PTBP1: variants seen among roughly 807,000 people sequenced by gnomAD.
The protein encoded by PTBP1 is polypyrimidine tract binding protein 1.
A neutral mutation model predicts 59.8 loss-of-function variants in PTBP1; 8 were observed. The ratio of observed to expected loss-of-function variants is 0.13; its 90% confidence interval spans 0.08 to 0.24. PTBP1 has a LOEUF of 0.24. Among genes scored for constraint, PTBP1 ranks in the 10% least tolerant of loss-of-function variants. The pLI is 1.00. For missense variants in PTBP1, 686 were observed against 767.0 expected (o/e 0.89, Z 1.25); for synonymous variants, 490 against 320.7 (o/e 1.53, Z -5.64).
chr19:799,787 T>C (rs924716944), intron 2 of PTBP1, among the ~76,000 whole-genome samples: 1 of 152,226 alleles, frequency 6.6e-6, no homozygotes. Flanking sequence ...AACCTCATGT[T>C]GTGGCTGCCT....
Position 812,236 on chromosome 19 carries a change from C to T in PTBP1, c.*1410C>T, listed in dbSNP as rs1023139404. On this transcript the variant is annotated 3_prime_UTR_variant, in exon 15 of 15. Transcript: ENST00000356948. ...TTGAGAAACTCCTCCCTTGTCTAGC[C>T]CTGTGTTCGCTGTGGACGCTGTAGA... The T allele has an allele frequency of 6.6e-6, 1 of 152,628 alleles. No homozygotes were observed. 9.5% of individuals were successfully genotyped at this position (152,628 alleles called of 1,614,324 possible). A position where few individuals can be genotyped will look rare whatever the true frequency, so the allele number is the denominator to read the frequency against.
At chr19:800,173 A>G (rs1375977487) in intron 2 of PTBP1, among the ~76,000 whole-genome samples, 1 of 148,296 alleles carries the variant, frequency 6.7e-6, no homozygotes, top group East Asian at 2.0e-4. Flanking sequence ...AACACAGGTG[A>G]TGCACCCCCC....
intron 1 of PTBP1, 111 bp from the exon 2 acceptor site, chr19:799,302 G>A (rs1404196350): frequency 1.0e-6 from 1 of 955,286 alleles, no homozygotes; most frequent in Non-Finnish European, 1.7e-6. Context: ...GGAGCCCTGC[G>A]GAGGTGGCAG....
In PTBP1 at chr19:808,061, C is replaced by T. The variant is rs573840248; in HGVS notation, c.1153+159C>T. ...TCGGTTTGCGAATTTTATTTGGTCC[C>T]GTAGATACGTACGCATGGTTTATCG... On this transcript the variant is annotated intron_variant, in intron 11 of 14. Transcript: ENST00000356948. This position sits in a 1 kb window ranked among gnomAD's most constrained non-coding sequence, Gnocchi z 4.7. 2.1e-5 allele frequency: 15 copies of T among 717,502 alleles called. No homozygotes were observed. The highest frequency in any genetic ancestry group is 2.4e-4 in the Middle Eastern group (1 of 4,208). 44.4% of individuals were successfully genotyped at this position (717,502 alleles called of 1,614,324 possible). A position where few individuals can be genotyped will look rare whatever the true frequency, so the allele number is the denominator to read the frequency against.
chr19:808,139 A>G lies in PTBP1; in HGVS notation c.1154-221A>G. 3.2e-6 allele frequency: 2 copies of G among 628,714 alleles called. No individual in the cohort carries two copies. Among genetic ancestry groups the G allele is most frequent in the Admixed American group, 2.8e-5 (1 of 35,196 alleles). 38.9% of individuals were successfully genotyped at this position (628,714 alleles called of 1,614,324 possible). On this transcript the variant is annotated intron_variant, in intron 11 of 14. Coordinates refer to ENST00000356948, the MANE Select transcript of PTBP1 (RefSeq NM_002819.5). This position sits in a 1 kb window ranked among gnomAD's most constrained non-coding sequence, Gnocchi z 4.7. ...GTCGGTGGCATATGCCACCGTGGCC[A>G]CCCGCTGGCAGCTTACCTGTCCTGG...
rs115525161 is a variant in PTBP1 at position 807,985 on chromosome 19, G to A, written c.1153+83G>A. On this transcript the variant is annotated intron_variant, in intron 11 of 14. Coordinates refer to ENST00000356948, the MANE Select transcript of PTBP1 (RefSeq NM_002819.5). Reference sequence around the variant, plus strand: ...GCCCTGAGACGTATTATGAGTTTGCGGTTTGGCACTCTGATGCTCCGTGGC... The same window carrying A: ...GCCCTGAGACGTATTATGAGTTTGCAGTTTGGCACTCTGATGCTCCGTGGC... 2.0e-3 allele frequency: 2,610 copies of A among 1,303,880 alleles called. 37 individuals are homozygous for A. In the African/African-American group the frequency reaches 0.035, roughly 17 times the overall value. 80.8% of individuals were successfully genotyped at this position (1,303,880 alleles called of 1,614,324 possible). A position where few individuals can be genotyped will look rare whatever the true frequency, so the allele number is the denominator to read the frequency against.
rs79948930 is a variant in PTBP1, at chr19:800,126, G to A, written c.39+683G>A. ...ATTTTTTTTTTTTTTTTTTGGTAAAGATGGGGTTTCGAACATTGTTGGCCA... is the reference window on the plus strand; with the variant it reads ...ATTTTTTTTTTTTTTTTTTGGTAAAAATGGGGTTTCGAACATTGTTGGCCA... On this transcript the variant is annotated intron_variant, in intron 2 of 14. Transcript: ENST00000356948. Among the ~76,000 whole-genome samples the A allele has an allele frequency of 3.1e-3, 448 of 143,600 alleles. 3 individuals are homozygous for A. Among genetic ancestry groups the A allele is most frequent in the African/African-American group, 0.011 (430 of 38,432 alleles). 94.2% of individuals were successfully genotyped at this position (143,600 alleles called of 152,430 possible).
chr19:805,881 G>A, intron 9 of PTBP1: 1 of 411,040 alleles, frequency 2.4e-6, no homozygotes, highest in South Asian at 2.5e-5. Context: ...GATGTCTCTA[G>A]TAGTTGAATT....
chr19:802,287 T>C (rs1294260837), intron 2 of PTBP1, among the ~76,000 whole-genome samples: 1 of 152,178 alleles, frequency 6.6e-6, no homozygotes, highest in Admixed American at 6.5e-5. Flanking sequence ...CAGGAAGCTC[T>C]TGAGCCAGGG....
chr19:804,187 G>C lies in PTBP1; in HGVS notation c.267G>C (p.Leu89=). Residue 89 remains leucine (L), a synonymous_variant, in exon 4 of 15, where the codon CTG becomes CTC. Coordinates refer to ENST00000356948, the MANE Select transcript of PTBP1 (RefSeq NM_002819.5). ...CCTTTGGGAAGGTCACCAACCTCCT[G>C]ATGCTGAAGGGGAAAAACCAGGTAC... ...GLPFGKVTNL[L]MLKGKNQAFI... 1 of 1,608,522 alleles carries C rather than the reference G, an allele frequency of 6.2e-7. No homozygotes were observed. The highest frequency in any genetic ancestry group is 1.1e-5 in the South Asian group (1 of 90,824).
intron 8 of PTBP1, 65 bp downstream of exon 8, chr19:805,252 C>A (rs554459573): frequency 1.9e-6 from 3 of 1,566,690 alleles, no homozygotes; most frequent in African/African-American, 2.7e-5. Context: ...CAGTCCGGAG[C>A]CCCGGCGGCA....
chr19:801,401 G>A (rs1417470317), intron 2 of PTBP1, among the ~76,000 whole-genome samples: 2 of 152,248 alleles, frequency 1.3e-5, no homozygotes, highest in Non-Finnish European at 2.9e-5. Context: ...GTTTGCTGCC[G>A]CAGACAGTTG....
At chr19:798,195 G>A (rs903898233) in intron 1 of PTBP1, among the ~76,000 whole-genome samples, 7 of 151,996 alleles carry the variant, frequency 4.6e-5, no homozygotes, top group Non-Finnish European at 1.0e-4. Context: ...CCCGGGGCCG[G>A]AGGGGCCTCT....
chr19:806,335 G>C (rs1031497518), intron 9 of PTBP1, 73 bp from the exon 10 acceptor site: 2 of 1,470,854 alleles, frequency 1.4e-6, no homozygotes, highest in African/African-American at 1.5e-5. Flanking sequence ...CATGAGGACG[G>C]GGAGCGTCGG....
At position 804,684 on chromosome 19, in the gene PTBP1, C is replaced by T. The variant is rs374825866; in HGVS notation, c.588C>T (p.Thr196=). 96 of 1,612,482 alleles carry T rather than the reference C, an allele frequency of 6.0e-5. 1 individual carries two copies. Among genetic ancestry groups the T allele is most frequent in the Non-Finnish European group, 7.5e-5 (89 of 1,179,320 alleles). Residue 196 remains threonine, a synonymous_variant, in exon 6 of 15, where the codon ACC becomes ACT. Transcript: ENST00000356948. ...IIVENLFYPV[T]LDVLHQIFSK... ...TGGAGAACCTCTTCTACCCTGTGACCCTGGATGTGCTGCACCAGGTGAGGT... is the reference window on the plus strand; with the variant it reads ...TGGAGAACCTCTTCTACCCTGTGACTCTGGATGTGCTGCACCAGGTGAGGT...
chr19:798,187 C>G (rs998281934), intron 1 of PTBP1, among the ~76,000 whole-genome samples: 2 of 152,182 alleles, frequency 1.3e-5, no homozygotes, highest in Admixed American at 6.5e-5. Flanking sequence ...TCCTCCGCCC[C>G]GGGGCCGGAG....
chr19:799,788 G>A (rs2034251011), intron 2 of PTBP1, among the ~76,000 whole-genome samples: 2 of 152,234 alleles, frequency 1.3e-5, no homozygotes, highest in South Asian at 4.1e-4. Flanking sequence ...ACCTCATGTT[G>A]TGGCTGCCTG....
intron 9 of PTBP1, 176 bp from the exon 10 acceptor site, chr19:806,232 G>A (rs1264797923): frequency 5.0e-6 from 3 of 604,342 alleles, no homozygotes; most frequent in Non-Finnish European, 5.3e-6. Context: ...TGCAGGAGCC[G>A]GCGGGTGGCT....
rs1015729084 is a variant in PTBP1, at chr19:811,428, C to G, written c.*602C>G. ...CAGCTGCGGAGCTGGTCGACATAAT[C>G]TCTGTATTATATACTTTGCAGTTGC... On this transcript the variant is annotated 3_prime_UTR_variant, in exon 15 of 15. Coordinates refer to ENST00000356948, the MANE Select transcript of PTBP1 (RefSeq NM_002819.5). 6.6e-6 allele frequency: 1 copy of G among 152,502 alleles called. No homozygotes were observed. The highest frequency in any genetic ancestry group is 2.4e-5 in the African/African-American group (1 of 41,472). The allele number at this position is 152,502 out of a possible 1,614,324, so 9.4% of individuals were successfully genotyped here. A position where few individuals can be genotyped will look rare whatever the true frequency, so the allele number is the denominator to read the frequency against.
Sources: gnomAD v4.1 joint callset for allele counts (sites outside exome capture counted in the v4.1 genomes callset) on GRCh38, gnomAD v4.1.1 for gene constraint, Gnocchi (gnomAD v3.1) non-coding constraint, MANE v1.5 for transcripts, NCBI Gene and HGNC (gene_info 2026-07-23, HGNC 2026-07-21) for gene names.